Variants in ARHGAP23 observed in about 807,000 individuals in gnomAD.
ARHGAP23 encodes the protein Rho GTPase activating protein 23.
ARHGAP23 carries 34 observed loss-of-function variants against 136.3 expected under a neutral mutation model. That is an observed-to-expected ratio of 0.25 (90% CI 0.19 to 0.33). The LOEUF (loss-of-function observed/expected upper bound fraction) is 0.33, where lower values mean the gene tolerates loss of function less well. Among genes scored for constraint, ARHGAP23 ranks in the 10% least tolerant of loss-of-function variants. The pLI is 1.00. For missense variants in ARHGAP23, 1,808 were observed against 2,139.0 expected (o/e 0.85, Z 3.05); for synonymous variants, 832 against 920.5 (o/e 0.90, Z 1.74).
At chr17:38,441,307 C>G (rs2038915531) in intron 1 of ARHGAP23, among the ~76,000 whole-genome samples, 1 of 152,254 alleles carries the variant, frequency 6.6e-6, no homozygotes, top group Non-Finnish European at 1.5e-5. Context: ...GCCTGGCGCA[C>G]TATTCATAGC....
At chr17:38,422,297 G>T (rs573652812) in intron 1 of ARHGAP23, among the ~76,000 whole-genome samples, 4 of 152,168 alleles carry the variant, frequency 2.6e-5, no homozygotes, top group African/African-American at 4.8e-5. Flanking sequence ...TTTATAAAGA[G>T]CTTGGCACAT....
intron 23 of ARHGAP23, among the ~76,000 whole-genome samples, chr17:38,506,682 C>T (rs560594758): frequency 6.6e-6 from 1 of 152,220 alleles, no homozygotes; most frequent in African/African-American, 2.4e-5. Flanking sequence ...CTCTGGTGTC[C>T]CTTCTAATAA....
intron 16 of ARHGAP23, among the ~76,000 whole-genome samples, chr17:38,484,751 G>T (rs2040123240): frequency 6.6e-6 from 1 of 152,068 alleles, no homozygotes; most frequent in Non-Finnish European, 1.5e-5. Context: ...GGCCAGCTGG[G>T]GGCATACGAG....
intron 2 of ARHGAP23, among the ~76,000 whole-genome samples, chr17:38,460,192 C>A (rs1022116787): frequency 6.6e-6 from 1 of 152,182 alleles, no homozygotes; most frequent in African/African-American, 2.4e-5. Context: ...CAGAGGCCTC[C>A]CAGTGGGTCC....
Position 38,457,768 on chromosome 17 carries a change from A to G in ARHGAP23, c.64-334A>G, listed in dbSNP as rs148413808. 653 of 408,882 alleles carry G rather than the reference A, an allele frequency of 1.6e-3. 6 individuals carry two copies. Among genetic ancestry groups the G allele is most frequent in the African/African-American group, 0.011 (560 of 48,912 alleles). 25.3% of individuals were successfully genotyped at this position (408,882 alleles called of 1,614,324 possible). On this transcript the variant is annotated intron_variant, in intron 1 of 23. Transcript: ENST00000622683. ...CTTCCTGGGCAGGAAGGCTGTATCC[A>G]GGGTCCTGCACATAGTAGGTGCTCA...
chr17:38,510,954 C>T lies in ARHGAP23; in HGVS notation c.4458C>T (p.Arg1486=). 1 of 1,456,908 alleles carries T rather than the reference C, an allele frequency of 6.9e-7. No homozygotes were observed. The allele number at this position is 1,456,908 out of a possible 1,614,324, so 90.2% of individuals were successfully genotyped here. Residue 1486 remains arginine (R), a synonymous_variant, in exon 24 of 24, where the codon CGC becomes CGT. Transcript: ENST00000622683. The surrounding 1 kb of genome is among the most constrained non-coding windows in gnomAD (Gnocchi z 4.6). ...CCCCGCGCCGCTCGGCCGCCTCCCGCCTGCATCAGTGTCTGTGATCCCCAC... is the reference window on the plus strand; with the variant it reads ...CCCCGCGCCGCTCGGCCGCCTCCCGTCTGCATCAGTGTCTGTGATCCCCAC... The part of the protein sequence containing the change: ...SQPPRRSAAS[R]LHQCL
At chr17:38,500,695 A>G (rs1208574949) in intron 23 of ARHGAP23, 67 bp downstream of exon 23, 59 of 1,365,090 alleles carry the variant, frequency 4.3e-5, no homozygotes, top group Non-Finnish European at 5.7e-5. Flanking sequence ...TTTTTGTTCA[A>G]GGGAATTGAG....
At chr17:38,444,911 G>C (rs1309125724) in intron 1 of ARHGAP23, among the ~76,000 whole-genome samples, 3 of 151,726 alleles carry the variant, frequency 2.0e-5, no homozygotes, top group Non-Finnish European at 4.4e-5. Flanking sequence ...TCCACCTCCT[G>C]GGTTCAAGCA....
intron 1 of ARHGAP23, among the ~76,000 whole-genome samples, chr17:38,434,855 G>C (rs1277507782): frequency 2.0e-5 from 3 of 152,240 alleles, no homozygotes; most frequent in Non-Finnish European, 4.4e-5. Context: ...GGAGGAGGGA[G>C]AGGTGGGGAC....
At chr17:38,468,255 G>A (rs1249383445) in intron 7 of ARHGAP23, among the ~76,000 whole-genome samples, 1 of 152,218 alleles carries the variant, frequency 6.6e-6, no homozygotes, top group African/African-American at 2.4e-5. Context: ...AGAGCAGAGG[G>A]AACCCTCTAA....
chr17:38,444,711 A>C (rs988852062), intron 1 of ARHGAP23, among the ~76,000 whole-genome samples: 1 of 152,114 alleles, frequency 6.6e-6, no homozygotes, highest in African/African-American at 2.4e-5. Context: ...AAGGGACGGC[A>C]GGGAAAGGTC....
At chr17:38,479,609 T>A in intron 13 of ARHGAP23, 112 bp downstream of exon 13, 7 of 1,423,494 alleles carry the variant, frequency 4.9e-6, no homozygotes, top group Non-Finnish European at 6.7e-6. Context: ...GGGGAAGGGG[T>A]ATCCAGGGTC....
At chr17:38,459,871 G>C (rs1424665507) in intron 2 of ARHGAP23, among the ~76,000 whole-genome samples, 1 of 152,196 alleles carries the variant, frequency 6.6e-6, no homozygotes, top group Non-Finnish European at 1.5e-5. Flanking sequence ...CAGGAGGACG[G>C]GGGCAGAGTG....
In ARHGAP23 at chr17:38,433,279, A is replaced by C. The variant is rs140555429; in HGVS notation, c.63+4731A>C. ...CCTGGCTGGTTTTCTTATCCCTGAA[A>C]TAATCCCTCAAAATTACAGAGAGGG... On this transcript the variant is annotated intron_variant, in intron 1 of 23. Coordinates refer to ENST00000622683, the MANE Select transcript of ARHGAP23 (RefSeq NM_001199417.2). Among the ~76,000 whole-genome samples the C allele has an allele frequency of 3.3e-5, 5 of 152,284 alleles. No individual in the cohort carries two copies. In the East Asian group the frequency reaches 9.7e-4, roughly 29 times the overall value.
At chr17:38,503,996 T>C (rs2040575841) in intron 23 of ARHGAP23, among the ~76,000 whole-genome samples, 2 of 152,188 alleles carry the variant, frequency 1.3e-5, no homozygotes, top group Admixed American at 1.3e-4. Context: ...TTTTGTACCA[T>C]CCCCATTTTA....
At chr17:38,430,702 T>A (rs981407684) in intron 1 of ARHGAP23, among the ~76,000 whole-genome samples, 1 of 152,204 alleles carries the variant, frequency 6.6e-6, no homozygotes. Context: ...AGGCTAGCCA[T>A]GCAGGGAAGT....
rs1215662290 is a variant in ARHGAP23, at chr17:38,463,382, G to GGTGAGTCCAGCCC, written c.483+1_483+13dup. The GGTGAGTCCAGCCC allele has an allele frequency of 1.3e-6, 2 of 1,551,690 alleles. No homozygotes were observed. The highest frequency in any genetic ancestry group is 4.9e-5 in the East Asian group (2 of 40,906). ...CCAAGGACGAGGACATCCTCCAGCT[G>GGTGAGTCCAGCCC]GTGAGTCCAGCCCCTGTGGCCTGAG... On this transcript the variant is annotated frameshift_variant and splice_region_variant. Coordinates refer to ENST00000622683, the MANE Select transcript of ARHGAP23 (RefSeq NM_001199417.2). LOFTEE classifies it high-confidence loss of function.
chr17:38,509,336 C>T (rs1411623303), intron 23 of ARHGAP23, among the ~76,000 whole-genome samples: 2 of 151,224 alleles, frequency 1.3e-5, no homozygotes, highest in East Asian at 2.0e-4. Flanking sequence ...GCGGAGCTGG[C>T]GGCGGGATTG....
intron 1 of ARHGAP23, among the ~76,000 whole-genome samples, chr17:38,422,809 C>G (rs991909571): frequency 6.6e-6 from 1 of 152,178 alleles, no homozygotes; most frequent in African/African-American, 2.4e-5. Context: ...CCTGGGAGAC[C>G]TGACACCAGG....
Sources: gnomAD v4.1 joint callset for allele counts (sites outside exome capture counted in the v4.1 genomes callset) on GRCh38, gnomAD v4.1.1 for gene constraint, Gnocchi (gnomAD v3.1) non-coding constraint, MANE v1.5 for transcripts, NCBI Gene and HGNC (gene_info 2026-07-23, HGNC 2026-07-21) for gene names.